HCN1: variants seen among roughly 807,000 people sequenced by gnomAD.
HCN1 encodes hyperpolarization activated cyclic nucleotide gated potassium channel 1, also known as potassium/sodium hyperpolarization-activated cyclic nucleotide-gated channel 1.
Under a neutral mutation model 78.9 loss-of-function variants are expected in HCN1, and 13 were observed. That is an observed-to-expected ratio of 0.16 (90% CI 0.11 to 0.26). The LOEUF is 0.26. Among genes scored for constraint, HCN1 ranks in the 10% least tolerant of loss-of-function variants. The probability of loss-of-function intolerance (pLI) is 1.00; values close to 1 mark genes in which losing one functional copy is unlikely to be tolerated. For missense variants in HCN1, 810 were observed against 1,154.3 expected, an observed-to-expected ratio of 0.70 and a Z score of 4.32; for synonymous variants, 552 against 455.5, an observed-to-expected ratio of 1.21 and a Z score of -2.70.
At chr5:45,405,337 A>G (rs1000927878) in intron 3 of HCN1, among the ~76,000 whole-genome samples, 2 of 152,202 alleles carry the variant, frequency 1.3e-5, no homozygotes, top group Non-Finnish European at 2.9e-5. Context: ...ATCTGTAAAC[A>G]GTTGGTCTTT....
intron 5 of HCN1, among the ~76,000 whole-genome samples, chr5:45,310,936 T>G (rs1372578008): frequency 6.6e-6 from 1 of 152,154 alleles, no homozygotes; most frequent in Non-Finnish European, 1.5e-5. Flanking sequence ...AGCCTCATGT[T>G]CTCACTTACA....
At chr5:45,492,452 T>A in intron 2 of HCN1, among the ~76,000 whole-genome samples, 1 of 145,814 alleles carries the variant, frequency 6.9e-6, no homozygotes, top group Admixed American at 6.9e-5. Context: ...TCTTTTCTTA[T>A]CCATGCTCGT....
intron 3 of HCN1, among the ~76,000 whole-genome samples, chr5:45,414,345 G>A (rs1740078078): frequency 1.3e-5 from 2 of 151,962 alleles, no homozygotes; most frequent in African/African-American, 4.8e-5. Context: ...TTATTTAGGT[G>A]AACAGAGTTG....
chr5:45,322,920 G>A (rs1418051861), intron 5 of HCN1, among the ~76,000 whole-genome samples: 1 of 151,850 alleles, frequency 6.6e-6, no homozygotes, highest in Non-Finnish European at 1.5e-5. Context: ...TGTTCCTTGA[G>A]CAACCTTGTC....
At chr5:45,462,770 A>T (rs1482972239) in intron 2 of HCN1, among the ~76,000 whole-genome samples, 6 of 152,036 alleles carry the variant, frequency 3.9e-5, no homozygotes, top group Non-Finnish European at 4.4e-5. Context: ...ATCCATCAAA[A>T]TTTTATAAAT....
At position 45,592,707 on chromosome 5, in the gene HCN1, C is replaced by T. The variant is rs141264051; in HGVS notation, c.849+52478G>A. Among the ~76,000 whole-genome samples, 54 of 152,168 alleles carry T rather than the reference C, an allele frequency of 3.5e-4. 1 individual carries two copies. The East Asian group carries it at 7.7e-3, about 22-fold the overall frequency. On this transcript the variant is annotated intron_variant, in intron 2 of 7. Coordinates refer to ENST00000303230, the MANE Select transcript of HCN1 (RefSeq NM_021072.4). The stretch of plus-strand genomic sequence containing the variant: ...TGTTGTTAGTTTTAACATCACTGTA[C>T]GAATCCAAACCATCAATTATTTGAA...
intron 6 of HCN1, among the ~76,000 whole-genome samples, chr5:45,289,462 C>T (rs1202379673): frequency 6.6e-6 from 1 of 152,020 alleles, no homozygotes; most frequent in Non-Finnish European, 1.5e-5. Flanking sequence ...TACAATGGAG[C>T]ATTATAATAA....
intron 2 of HCN1, among the ~76,000 whole-genome samples, chr5:45,569,712 GAT>G (rs1438840749): frequency 6.6e-6 from 1 of 151,722 alleles, no homozygotes; most frequent in Non-Finnish European, 1.5e-5. Flanking sequence ...TAACATTCAG[GAT>G]ATAACTTTAT....
At chr5:45,455,852 C>A (rs1561161814) in intron 3 of HCN1, among the ~76,000 whole-genome samples, 2 of 151,182 alleles carry the variant, frequency 1.3e-5, no homozygotes, top group Non-Finnish European at 1.5e-5. Flanking sequence ...ATTCATAGGC[C>A]ATTAATTATT....
At chr5:45,626,396 T>G (rs371749963) in intron 2 of HCN1, among the ~76,000 whole-genome samples, 2 of 152,180 alleles carry the variant, frequency 1.3e-5, no homozygotes, top group African/African-American at 4.8e-5. Context: ...GCTCACCATG[T>G]GGCAGGTAAT....
At chr5:45,643,646 T>C (rs1208740489) in intron 2 of HCN1, 1 of 152,196 alleles carries the variant, frequency 6.6e-6, no homozygotes, top group African/African-American at 2.4e-5. Context: ...ACTAGTTCTA[T>C]GAATCTGGAC....
chr5:45,615,823 T>C (rs1744937876), intron 2 of HCN1, among the ~76,000 whole-genome samples: 1 of 151,942 alleles, frequency 6.6e-6, no homozygotes, highest in Middle Eastern at 3.2e-3. Flanking sequence ...ATTTCCGTCC[T>C]CAAGAAATTC....
intron 5 of HCN1, among the ~76,000 whole-genome samples, chr5:45,316,148 G>T (rs536366839): frequency 1.3e-5 from 2 of 152,206 alleles, no homozygotes; most frequent in South Asian, 4.1e-4. Context: ...GATGAACATC[G>T]ATGCAAAAAT....
intron 5 of HCN1, among the ~76,000 whole-genome samples, chr5:45,318,843 C>A (rs928856295): frequency 1.3e-5 from 2 of 151,870 alleles, no homozygotes; most frequent in Admixed American, 6.6e-5. Flanking sequence ...CAGAAGGCTC[C>A]TTTTGCCTCA....
At chr5:45,579,379 C>G (rs1744012305) in intron 2 of HCN1, among the ~76,000 whole-genome samples, 1 of 152,026 alleles carries the variant, frequency 6.6e-6, no homozygotes, top group African/African-American at 2.4e-5. Context: ...TTGAACCTCA[C>G]CAACACAGCT....
intron 1 of HCN1, among the ~76,000 whole-genome samples, chr5:45,691,065 T>C (rs1389992427): frequency 1.3e-5 from 2 of 152,130 alleles, no homozygotes; most frequent in Non-Finnish European, 2.9e-5. Flanking sequence ...ACAAATACTA[T>C]TTATCTTGCT....
chr5:45,688,418 G>C (rs989942133), intron 1 of HCN1, among the ~76,000 whole-genome samples: 101 of 152,200 alleles, frequency 6.6e-4, no homozygotes, highest in Admixed American at 1.8e-3. Flanking sequence ...TCTGTGTATT[G>C]GGCAGGGAAA....
chr5:45,299,009 C>A (rs1745553716), intron 6 of HCN1, among the ~76,000 whole-genome samples: 1 of 151,968 alleles, frequency 6.6e-6, no homozygotes, highest in South Asian at 2.1e-4. Flanking sequence ...AAGCATCAGA[C>A]AAATCCCAAT....
intron 1 of HCN1, among the ~76,000 whole-genome samples, chr5:45,667,447 C>A (rs1746070995): frequency 6.6e-6 from 1 of 151,922 alleles, no homozygotes; most frequent in Non-Finnish European, 1.5e-5. Context: ...CTTACAACCC[C>A]CATCACACTG....
Sources: allele counts gnomAD v4.1 joint callset (sites outside exome capture counted in the v4.1 genomes callset), GRCh38; gene constraint gnomAD v4.1.1; transcripts MANE v1.5; gene names NCBI Gene and HGNC (gene_info 2026-07-23, HGNC 2026-07-21).